ERC2: variants seen among roughly 807,000 people sequenced by gnomAD.
ERC2 encodes the protein ERC protein 2.
ERC2 carries 42 observed loss-of-function variants against 114.8 expected under a neutral mutation model. That is an observed-to-expected ratio of 0.37 (90% CI 0.29 to 0.47). ERC2 has a LOEUF of 0.47. Ranked by LOEUF, ERC2 falls within the 20% of genes least tolerant of loss-of-function variation. ERC2 has a pLI of 0.99. For missense variants in ERC2, 939 were observed against 1,150.7 expected, an observed-to-expected ratio of 0.82 and a Z score of 2.66; for synonymous variants, 454 against 425.5, an observed-to-expected ratio of 1.07 and a Z score of -0.82.
At chr3:55,723,563 C>T (rs912779217) in intron 15 of ERC2, among the ~76,000 whole-genome samples, 1 of 152,042 alleles carries the variant, frequency 6.6e-6, no homozygotes, top group Non-Finnish European at 1.5e-5. Context: ...AAAGTGACAT[C>T]TTCCCCAAAA....
intron 6 of ERC2, among the ~76,000 whole-genome samples, chr3:56,117,573 C>T (rs2079308535): frequency 6.6e-6 from 1 of 152,168 alleles, no homozygotes. Flanking sequence ...GACCTTGCAC[C>T]TGTAAATCAG....
intron 10 of ERC2, among the ~76,000 whole-genome samples, chr3:55,996,719 A>T (rs527822961): frequency 3.1e-4 from 47 of 152,214 alleles, no homozygotes; most frequent in Non-Finnish European, 4.9e-4. Flanking sequence ...TTTTGATGTG[A>T]ACTGACTTTG....
rs147793444 is a variant in ERC2, at chr3:55,529,285, A to G, written c.*40-18009T>C. Among the ~76,000 whole-genome samples, 192 of 152,346 alleles carry G rather than the reference A, an allele frequency of 1.3e-3. 1 individual carries two copies. Among genetic ancestry groups the G allele is most frequent in the Admixed American group, 5.3e-3 (81 of 15,300 alleles). On this transcript the variant is annotated intron_variant, in intron 17 of 17. Transcript: ENST00000288221. ...CATTCTGAACCCAAGACATCCCTGCATATTGCTATGAATGTGAGTCAATTT... is the reference window on the plus strand; with the variant it reads ...CATTCTGAACCCAAGACATCCCTGCGTATTGCTATGAATGTGAGTCAATTT...
At chr3:56,398,523 A>T (rs1299911127) in intron 2 of ERC2, among the ~76,000 whole-genome samples, 1 of 152,220 alleles carries the variant, frequency 6.6e-6, no homozygotes, top group Non-Finnish European at 1.5e-5. Flanking sequence ...CTGAAATTCA[A>T]ATTTACTGAG....
intron 12 of ERC2, among the ~76,000 whole-genome samples, chr3:55,982,303 A>C (rs2070212626): frequency 6.6e-6 from 1 of 152,190 alleles, no homozygotes; most frequent in South Asian, 2.1e-4. Context: ...CCATCTGTAA[A>C]TCAAAATGGA....
intron 15 of ERC2, among the ~76,000 whole-genome samples, chr3:55,728,113 C>A (rs1339795152): frequency 6.6e-6 from 1 of 152,150 alleles, no homozygotes. Flanking sequence ...TTCATTCATT[C>A]ATACATTCAA....
chr3:55,583,002 A>G (rs779499992), intron 17 of ERC2, among the ~76,000 whole-genome samples: 12 of 152,362 alleles, frequency 7.9e-5, no homozygotes, highest in Non-Finnish European at 1.6e-4. Context: ...AAGTGGGACT[A>G]ATAAAGGTTT....
chr3:56,451,157 A>C lies in ERC2; in HGVS notation c.-140-16010T>G, dbSNP rs2062813543. On this transcript the variant is annotated intron_variant, in intron 1 of 17. Coordinates refer to ENST00000288221, the MANE Select transcript of ERC2 (RefSeq NM_015576.3). Reference sequence around the variant, plus strand: ...TCAGGAATTATTGGGTCTTACACTAAAAAATCTTCTATCTGTCAACTAACA... The same window carrying C: ...TCAGGAATTATTGGGTCTTACACTACAAAATCTTCTATCTGTCAACTAACA... Among the ~76,000 whole-genome samples, 4 of 152,206 alleles carry C rather than the reference A, an allele frequency of 2.6e-5. 1 individual carries two copies. In the South Asian group the frequency reaches 8.3e-4, roughly 32 times the overall value.
intron 6 of ERC2, among the ~76,000 whole-genome samples, chr3:56,139,151 C>T (rs573165228): frequency 3.3e-5 from 5 of 152,094 alleles, no homozygotes; most frequent in South Asian, 4.2e-4. Context: ...TAAAATGCTC[C>T]GAAGTATGAA....
chr3:56,389,949 T>A (rs139990907), intron 2 of ERC2, among the ~76,000 whole-genome samples: 46 of 152,282 alleles, frequency 3.0e-4, no homozygotes, highest in Middle Eastern at 6.8e-3. Context: ...GGTAGTTAAA[T>A]CTACAGCTGA....
chr3:55,990,695 T>C (rs2070994087), intron 11 of ERC2, among the ~76,000 whole-genome samples: 1 of 152,178 alleles, frequency 6.6e-6, no homozygotes, highest in African/African-American at 2.4e-5. Flanking sequence ...GGATTATAGA[T>C]ACGAGCCACC....
intron 6 of ERC2, among the ~76,000 whole-genome samples, chr3:56,138,849 G>A (rs2080679474): frequency 6.6e-6 from 1 of 152,182 alleles, no homozygotes; most frequent in African/African-American, 2.4e-5. Flanking sequence ...AGGAGGAAAA[G>A]CAAGGAAATA....
At chr3:55,795,693 C>G (rs2070418553) in intron 14 of ERC2, among the ~76,000 whole-genome samples, 1 of 152,186 alleles carries the variant, frequency 6.6e-6, no homozygotes, top group Admixed American at 6.5e-5. Flanking sequence ...GATATCAGCT[C>G]AGGGCCTAGA....
At chr3:55,893,834 A>G (rs2063723776) in intron 13 of ERC2, among the ~76,000 whole-genome samples, 1 of 152,180 alleles carries the variant, frequency 6.6e-6, no homozygotes, top group South Asian at 2.1e-4. Context: ...ACACATATGT[A>G]TGTATATGTG....
intron 3 of ERC2, among the ~76,000 whole-genome samples, chr3:56,195,502 T>C (rs867928860): frequency 1.3e-5 from 2 of 150,882 alleles, no homozygotes; most frequent in African/African-American, 4.9e-5. Flanking sequence ...CGTGTGTGCG[T>C]GTGTGTGTGT....
Position 56,121,317 on chromosome 3 carries a change from C to T in ERC2, c.1473+18192G>A, listed in dbSNP as rs1192761720. On this transcript the variant is annotated intron_variant, in intron 6 of 17. Transcript: ENST00000288221. ...GAAAGGTTAACTATTTGCATTAACT[C>T]GTATTGTCTTTACTTTTGAAAGTAT... Among the ~76,000 whole-genome samples, 4 of 152,152 alleles carry T rather than the reference C, an allele frequency of 2.6e-5. No homozygotes were observed. In the East Asian group the frequency reaches 5.8e-4, roughly 22 times the overall value.
Position 55,736,197 on chromosome 3 carries a change from C to T in ERC2, c.2565-1279G>A, listed in dbSNP as rs546414386. Among the ~76,000 whole-genome samples the T allele has an allele frequency of 3.9e-5, 6 of 152,278 alleles. No individual in the cohort carries two copies. The South Asian group carries it at 1.0e-3, about 26-fold the overall frequency. On this transcript the variant is annotated intron_variant, in intron 14 of 17. Transcript: ENST00000288221. Reference sequence around the variant, plus strand: ...CATTCTATTGTGTAAAGATCCATTGCATCACTCTTTAGACTTGAAATCCAG... The same window carrying T: ...CATTCTATTGTGTAAAGATCCATTGTATCACTCTTTAGACTTGAAATCCAG...
At chr3:55,766,273 G>GAAA (rs35962584) in intron 14 of ERC2, among the ~76,000 whole-genome samples, 2 of 95,138 alleles carry the variant, frequency 2.1e-5, no homozygotes, top group African/African-American at 3.4e-5. Flanking sequence ...CTCTCCACAA[G>GAAA]AAAAAAAAAA....
chr3:55,840,656 T>C (rs1414462964), intron 14 of ERC2, among the ~76,000 whole-genome samples: 1 of 152,056 alleles, frequency 6.6e-6, no homozygotes, highest in Non-Finnish European at 1.5e-5. Context: ...AGAAAACATT[T>C]GTGCATAAAA....
Sources: gnomAD v4.1 joint callset for allele counts (sites outside exome capture counted in the v4.1 genomes callset) on GRCh38, gnomAD v4.1.1 for gene constraint, MANE v1.5 for transcripts, NCBI Gene and HGNC (gene_info 2026-07-23, HGNC 2026-07-21) for gene names.